Variants in SDK1 observed in about 807,000 individuals in gnomAD.
SDK1 encodes the protein sidekick cell adhesion molecule 1.
In SDK1, 157 loss-of-function variants were observed where a neutral mutation model predicts 245.5. The observed-to-expected ratio is 0.64, with a 90% CI of 0.56 to 0.73. SDK1 has a LOEUF of 0.73. SDK1 is among the 30% of genes least tolerant of loss of function. The pLI, the probability that SDK1 is intolerant of heterozygous loss-of-function variation, is 0.00. For missense variants in SDK1, 3,583 were observed against 3,002.3 expected (o/e 1.19, Z -4.52); for synonymous variants, 1,647 against 1,278.5 (o/e 1.29, Z -6.15).
At chr7:3,497,075 T>A (rs1782048043) in intron 1 of SDK1, among the ~76,000 whole-genome samples, 1 of 152,220 alleles carries the variant, frequency 6.6e-6, no homozygotes, top group Non-Finnish European at 1.5e-5. Flanking sequence ...TTAAAATTGT[T>A]CTAGAGAAGA....
chr7:3,693,982 C>T lies in SDK1; in HGVS notation c.713+51877C>T, dbSNP rs28539107. 2.4e-3 allele frequency among the ~76,000 whole-genome samples: 364 copies of T among 152,308 alleles called. 2 individuals carry two copies. The highest frequency in any genetic ancestry group is 8.4e-3 in the African/African-American group (349 of 41,560). On this transcript the variant is annotated intron_variant, in intron 4 of 44. Coordinates refer to ENST00000404826, the MANE Select transcript of SDK1 (RefSeq NM_152744.4). ...CTTGCTCCCTCACTCGTCCCACCTG[C>T]ATGTGACTGACTCTTCCTCCAGACC...
intron 1 of SDK1, among the ~76,000 whole-genome samples, chr7:3,456,048 T>C (rs147450848): frequency 1.3e-5 from 2 of 152,328 alleles, no homozygotes; most frequent in East Asian, 3.9e-4. Context: ...ACTTGAAAAA[T>C]GTGTTGAAAA....
intron 4 of SDK1, among the ~76,000 whole-genome samples, chr7:3,768,376 G>A (rs904114220): frequency 1.4e-4 from 21 of 152,328 alleles, no homozygotes; most frequent in Non-Finnish European, 2.6e-4. Flanking sequence ...TGAGCATGCT[G>A]ATGAAATGTT....
intron 1 of SDK1, among the ~76,000 whole-genome samples, chr7:3,581,089 C>T (rs1030180416): frequency 6.6e-6 from 1 of 150,414 alleles, no homozygotes; most frequent in Non-Finnish European, 1.5e-5. Flanking sequence ...AACAATTGCA[C>T]CAAAAGCAAA....
At chr7:4,259,477 C>T (rs1375527576) in intron 44 of SDK1, among the ~76,000 whole-genome samples, 1 of 152,140 alleles carries the variant, frequency 6.6e-6, no homozygotes, top group East Asian at 1.9e-4. Flanking sequence ...AAATACAGAT[C>T]CCTGATCTCT....
chr7:3,553,334 T>A (rs1245170648), intron 1 of SDK1, among the ~76,000 whole-genome samples: 3 of 152,186 alleles, frequency 2.0e-5, no homozygotes, highest in Non-Finnish European at 4.4e-5. Context: ...GACTTCTAGC[T>A]TGGACAAAAT....
intron 2 of SDK1, among the ~76,000 whole-genome samples, chr7:3,628,525 T>G (rs1280154139): frequency 6.6e-6 from 1 of 152,142 alleles, no homozygotes; most frequent in African/African-American, 2.4e-5. Context: ...TCTTTGGGGC[T>G]ACTAGAGACT....
At chr7:3,823,200 T>C (rs1779689828) in intron 5 of SDK1, among the ~76,000 whole-genome samples, 1 of 152,204 alleles carries the variant, frequency 6.6e-6, no homozygotes, top group South Asian at 2.1e-4. Context: ...TAAGATTTTT[T>C]CCAAGGGTTA....
At chr7:3,980,171 T>C (rs1038933630) in intron 13 of SDK1, among the ~76,000 whole-genome samples, 1 of 152,236 alleles carries the variant, frequency 6.6e-6, no homozygotes, top group Non-Finnish European at 1.5e-5. Flanking sequence ...ACTTATCTGA[T>C]CCTCTTCTGC....
At chr7:3,779,729 G>T (rs572513188) in intron 4 of SDK1, among the ~76,000 whole-genome samples, 6 of 151,806 alleles carry the variant, frequency 4.0e-5, no homozygotes, top group African/African-American at 1.4e-4. Flanking sequence ...TCAGGAGATC[G>T]AGACCATCCT....
At chr7:4,092,103 G>A (rs1436538938) in intron 22 of SDK1, among the ~76,000 whole-genome samples, 2 of 152,158 alleles carry the variant, frequency 1.3e-5, no homozygotes, top group Admixed American at 6.5e-5. Flanking sequence ...GAGGCTTTAG[G>A]GAAGTCTTTT....
chr7:3,429,128 G>C (rs117794461), intron 1 of SDK1, among the ~76,000 whole-genome samples: 31 of 152,200 alleles, frequency 2.0e-4, no homozygotes, highest in Admixed American at 1.8e-3. Flanking sequence ...TAATGAGAAG[G>C]CTCAGTTTGG....
At chr7:4,029,009 C>G (rs1200370542) in intron 17 of SDK1, among the ~76,000 whole-genome samples, 1 of 151,462 alleles carries the variant, frequency 6.6e-6, no homozygotes, top group African/African-American at 2.4e-5. Flanking sequence ...GGGGTCACGT[C>G]GGGTGTGCTC....
At chr7:3,546,519 A>G (rs1304674056) in intron 1 of SDK1, among the ~76,000 whole-genome samples, 1 of 152,262 alleles carries the variant, frequency 6.6e-6, no homozygotes, top group Non-Finnish European at 1.5e-5. Flanking sequence ...GAGTATACAC[A>G]GCTCTGTACC....
intron 1 of SDK1, among the ~76,000 whole-genome samples, chr7:3,324,507 G>A (rs1452034710): frequency 2.0e-5 from 3 of 151,928 alleles, no homozygotes; most frequent in African/African-American, 7.2e-5. Flanking sequence ...AATAGGAGGT[G>A]GCTCTTGGAA....
At chr7:3,695,677 C>G (rs1006923971) in intron 4 of SDK1, among the ~76,000 whole-genome samples, 4 of 152,184 alleles carry the variant, frequency 2.6e-5, no homozygotes, top group Admixed American at 2.0e-4. Context: ...AGCATTTCAA[C>G]TCAACACAGT....
chr7:4,124,909 T>G (rs1369974343), intron 25 of SDK1, among the ~76,000 whole-genome samples: 1 of 149,840 alleles, frequency 6.7e-6, no homozygotes, highest in Non-Finnish European at 1.5e-5. Flanking sequence ...GATGGATGGA[T>G]GGATGGATGG....
chr7:3,520,086 G>A (rs530522064), intron 1 of SDK1, among the ~76,000 whole-genome samples: 1 of 152,144 alleles, frequency 6.6e-6, no homozygotes, highest in Non-Finnish European at 1.5e-5. Context: ...ATTTAATTCT[G>A]TTTTTGCCAT....
intron 38 of SDK1, among the ~76,000 whole-genome samples, chr7:4,213,838 A>C (rs1341357339): frequency 6.6e-6 from 1 of 152,102 alleles, no homozygotes; most frequent in Non-Finnish European, 1.5e-5. Flanking sequence ...TTTTTGCATC[A>C]CTGGGAAACT....
Sources: allele counts gnomAD v4.1 joint callset (sites outside exome capture counted in the v4.1 genomes callset), GRCh38; gene constraint gnomAD v4.1.1; transcripts MANE v1.5; gene names NCBI Gene and HGNC (gene_info 2026-07-23, HGNC 2026-07-21).